The following ZNF234 variants were observed in gnomAD, a reference collection of about 807,000 sequenced individuals.
ZNF234 encodes C2-H2 type zinc finger protein.
A neutral mutation model predicts 10.3 loss-of-function variants in ZNF234; 4 were observed. The observed-to-expected ratio is 0.39, with a 90% CI of 0.19 to 0.89. ZNF234 has a LOEUF of 0.89. Ranked by LOEUF, ZNF234 falls within the 40% of genes least tolerant of loss-of-function variation. ZNF234 has a pLI of 0.38. For missense variants in ZNF234, 711 were observed against 836.1 expected (o/e 0.85, Z 1.85); for synonymous variants, 258 against 280.1 (o/e 0.92, Z 0.79).
rs185571377 is a variant in ZNF234 at position 44,143,171 on chromosome 19, G to T, written c.-77+804G>T. Among the ~76,000 whole-genome samples the T allele has an allele frequency of 3.4e-4, 40 of 117,956 alleles. 1 individual carries two copies. The East Asian group carries it at 8.8e-3, about 26-fold the overall frequency. The allele number at this position is 117,956 out of a possible 152,430, so 77.4% of individuals were successfully genotyped here. A position where few individuals can be genotyped will look rare whatever the true frequency, so the allele number is the denominator to read the frequency against. On this transcript the variant is annotated intron_variant, in intron 2 of 5. Coordinates refer to ENST00000426739, the MANE Select transcript of ZNF234 (RefSeq NM_006630.3). ...GTTGCAAAAATAGTATAAGAGGGCA[G>T]GGCATGGTGGGTCATGCCTGAGTCC...
At chr19:44,153,527 C>G (rs1050056062) in intron 5 of ZNF234, among the ~76,000 whole-genome samples, 1 of 152,056 alleles carries the variant, frequency 6.6e-6, no homozygotes, top group Admixed American at 6.6e-5. Context: ...TATTTCACAG[C>G]TCACTAAAGG....
chr19:44,156,904 C>G lies in ZNF234; in HGVS notation c.888C>G (p.Asn296Lys). 1 of 1,613,870 alleles carries G rather than the reference C, an allele frequency of 6.2e-7. No individual in the cohort carries two copies. The change falls in exon 6 of 6, where the codon AAC becomes AAG. Residue 296 changes from asparagine (N) to lysine (K), a missense_variant. Coordinates refer to ENST00000426739, the MANE Select transcript of ZNF234 (RefSeq NM_006630.3). ...KPFKCDTCGK[N>K]FRRRSALNNH... ...TCAAATGTGATACATGTGGTAAGAACTTCCGTCGTAGATCAGCACTTAATA... is the reference window on the plus strand; with the variant it reads ...TCAAATGTGATACATGTGGTAAGAAGTTCCGTCGTAGATCAGCACTTAATA...
At chr19:44,155,925 T>A (rs922387501) in intron 5 of ZNF234, among the ~76,000 whole-genome samples, 5 of 152,224 alleles carry the variant, frequency 3.3e-5, no homozygotes, top group African/African-American at 1.2e-4. Flanking sequence ...GATAATTTAC[T>A]ATTTATTATT....
chr19:44,156,709 A>G lies in ZNF234; in HGVS notation c.693A>G (p.Pro231=), dbSNP rs978981848. ...THQRVHTVEK[P]FKCVECGKGF... ...AGAGAGTCCACACTGTAGAGAAACC[A>G]TTCAAATGTGTGGAATGTGGGAAAG... The change falls in exon 6 of 6, where the codon CCA becomes CCG. Residue 231 remains proline, a synonymous_variant. Coordinates refer to ENST00000426739, the MANE Select transcript of ZNF234 (RefSeq NM_006630.3). 2 of 1,614,018 alleles carry G rather than the reference A, an allele frequency of 1.2e-6. No individual in the cohort carries two copies. Among genetic ancestry groups the G allele is most frequent in the Non-Finnish European group, 1.7e-6 (2 of 1,180,014 alleles).
In ZNF234 at chr19:44,159,737, C is replaced by G; in HGVS notation, c.*1618C>G. ...TGCCGTCTAATAACTGTAGCATTCT[C>G]TTATTAAAACTTCTGGCTGGGTGTG... On this transcript the variant is annotated 3_prime_UTR_variant, in exon 6 of 6. Coordinates refer to ENST00000426739, the MANE Select transcript of ZNF234 (RefSeq NM_006630.3). 2.6e-6 allele frequency: 1 copy of G among 382,712 alleles called. No homozygotes were observed. The highest frequency in any genetic ancestry group is 1.9e-5 in the South Asian group (1 of 54,004). 23.7% of individuals were successfully genotyped at this position (382,712 alleles called of 1,614,324 possible).
At position 44,159,635 on chromosome 19, in the gene ZNF234, A is replaced by T. The variant is rs187429916; in HGVS notation, c.*1516A>T. 4.8e-4 allele frequency: 226 copies of T among 474,980 alleles called. 1 individual carries two copies. In the East Asian group the frequency reaches 5.0e-3, roughly 11 times the overall value. 29.4% of individuals were successfully genotyped at this position (474,980 alleles called of 1,614,324 possible). ...TTTAAAGTGTCAGAAGTAGTTGCCA[A>T]TGCCAAATTTTTATCAGCCCCCTTG... On this transcript the variant is annotated 3_prime_UTR_variant, in exon 6 of 6. Transcript: ENST00000426739.
intron 5 of ZNF234, among the ~76,000 whole-genome samples, chr19:44,154,657 A>G (rs550892048): frequency 3.6e-4 from 50 of 140,692 alleles, no homozygotes; most frequent in African/African-American, 1.1e-3. Flanking sequence ...TTTTGAGACA[A>G]AGTCTCACTG....
Position 44,157,152 on chromosome 19 carries a change from A to G in ZNF234, c.1136A>G (p.Lys379Arg). The G allele has an allele frequency of 6.2e-7, 1 of 1,614,210 alleles. No homozygotes were observed. The highest frequency in any genetic ancestry group is 8.5e-7 in the Non-Finnish European group (1 of 1,180,026). ...EKPYVCKVCGKGFIYSSSFQA... is the reference protein window; with the variant it reads ...EKPYVCKVCGRGFIYSSSFQA... ...CCATACGTATGTAAAGTGTGTGGTA[A>G]GGGTTTCATTTACAGTTCAAGTTTT... Residue 379 changes from lysine to arginine, a missense_variant, in exon 6 of 6, where the codon AAG (lysine) becomes AGG (arginine). Coordinates refer to ENST00000426739, the MANE Select transcript of ZNF234 (RefSeq NM_006630.3).
chr19:44,154,556 G>A (rs1269803978), intron 5 of ZNF234, among the ~76,000 whole-genome samples: 1 of 151,812 alleles, frequency 6.6e-6, no homozygotes, highest in South Asian at 2.1e-4. Context: ...ATGACTCAGG[G>A]CAGAGTTATA....
At chr19:44,143,121 T>G (rs1274678659) in intron 2 of ZNF234, among the ~76,000 whole-genome samples, 1 of 152,208 alleles carries the variant, frequency 6.6e-6, no homozygotes, top group Non-Finnish European at 1.5e-5. Context: ...ACACAGTAAT[T>G]ATATAATTTT....
chr19:44,152,533 C>T (rs1197242881), intron 5 of ZNF234, among the ~76,000 whole-genome samples: 1 of 152,190 alleles, frequency 6.6e-6, no homozygotes, highest in Non-Finnish European at 1.5e-5. Context: ...ACTTGAACCT[C>T]ATACCATGAA....
rs1192642590 is a variant in ZNF234 at position 44,158,742 on chromosome 19, GA to G, written c.*626del. 6.5e-6 allele frequency: 1 copy of G among 154,044 alleles called. No individual in the cohort carries two copies. Among genetic ancestry groups the G allele is most frequent in the African/African-American group, 2.4e-5 (1 of 41,450 alleles). The allele number at this position is 154,044 out of a possible 1,614,324, so 9.5% of individuals were successfully genotyped here. A position where few individuals can be genotyped will look rare whatever the true frequency, so the allele number is the denominator to read the frequency against. Reference sequence around the variant, plus strand: ...TTGACATTTATGACATGTTACCTAGGAAATAGGACTTAGAAAATGAGTTTGA... The same window carrying G: ...TTGACATTTATGACATGTTACCTAGGAATAGGACTTAGAAAATGAGTTTGA... On this transcript the variant is annotated 3_prime_UTR_variant, in exon 6 of 6. Coordinates refer to ENST00000426739, the MANE Select transcript of ZNF234 (RefSeq NM_006630.3).
rs867098451 is a variant in ZNF234 at position 44,158,119 on chromosome 19, A to T, written c.2103A>T (p.Ter701CysextTer12). 1 of 1,480,508 alleles carries T rather than the reference A, an allele frequency of 6.8e-7. No individual in the cohort carries two copies. The highest frequency in any genetic ancestry group is 1.2e-5 in the South Asian group (1 of 83,170). 91.7% of individuals were successfully genotyped at this position (1,480,508 alleles called of 1,614,324 possible). Residue 701 changes from the stop codon to cysteine, a stop_lost, in exon 6 of 6, where the codon TGA becomes TGT. Transcript: ENST00000426739. The stretch of plus-strand genomic sequence containing the variant: ...CAGAGGGAGGAAGTTCTACAAGGTG[A>T]TTAAAAAAAAAAAAACAGAACTCAT... ...ELSEGGSSTR[*>C] is the part of the protein sequence containing the mutation.
chr19:44,146,535 G>T (rs1409561078), intron 3 of ZNF234, among the ~76,000 whole-genome samples: 1 of 152,192 alleles, frequency 6.6e-6, no homozygotes, highest in Non-Finnish European at 1.5e-5. Context: ...ATGGGGATCA[G>T]GGGGTGAGGT....
At chr19:44,144,776 T>A in intron 3 of ZNF234, 129 bp downstream of exon 3, 1 of 770,402 alleles carries the variant, frequency 1.3e-6, no homozygotes, top group Non-Finnish European at 1.9e-6. Context: ...GCCTTTTGAG[T>A]TGACTTTGTT....
At chr19:44,147,985 T>C (rs1968643584) in intron 3 of ZNF234, among the ~76,000 whole-genome samples, 2 of 152,236 alleles carry the variant, frequency 1.3e-5, no homozygotes, top group Admixed American at 1.3e-4. Flanking sequence ...AGATTTCAGT[T>C]CCCTCGAATA....
chr19:44,144,832 G>A (rs1461683179), intron 3 of ZNF234, among the ~76,000 whole-genome samples, 185 bp downstream of exon 3: 2 of 152,216 alleles, frequency 1.3e-5, no homozygotes, highest in East Asian at 3.8e-4. Flanking sequence ...TTCTGTATCT[G>A]TGGGTTTCAC....
At position 44,157,148 on chromosome 19, in the gene ZNF234, G is replaced by A; in HGVS notation, c.1132G>A (p.Gly378Ser). The change falls in exon 6 of 6, where the codon GGT becomes AGT. Residue 378 changes from glycine to serine, a missense_variant. Coordinates refer to ENST00000426739, the MANE Select transcript of ZNF234 (RefSeq NM_006630.3). ...GAAACCATACGTATGTAAAGTGTGT[G>A]GTAAGGGTTTCATTTACAGTTCAAG... ...GEKPYVCKVC[G>S]KGFIYSSSFQ... 1 of 1,614,180 alleles carries A rather than the reference G, an allele frequency of 6.2e-7. No homozygotes were observed. The highest frequency in any genetic ancestry group is 8.5e-7 in the Non-Finnish European group (1 of 1,180,022).
chr19:44,144,569 G>A lies in ZNF234; in HGVS notation c.-64G>A, dbSNP rs942705269. ...GTGTCTTCCATAGTGTTCCAGGCAC[G>A]ATTCTGCCTTCTCTCAAATGGCATA... On this transcript the variant is annotated 5_prime_UTR_variant, in exon 3 of 6. Transcript: ENST00000426739. 1.1e-5 allele frequency: 16 copies of A among 1,434,578 alleles called. No individual in the cohort carries two copies. Among genetic ancestry groups the A allele is most frequent in the Non-Finnish European group, 1.4e-5 (15 of 1,077,400 alleles). 88.9% of individuals were successfully genotyped at this position (1,434,578 alleles called of 1,614,324 possible).
Sources: allele counts gnomAD v4.1 joint callset (sites outside exome capture counted in the v4.1 genomes callset), GRCh38; gene constraint gnomAD v4.1.1; transcripts MANE v1.5; gene names NCBI Gene and HGNC (gene_info 2026-07-23, HGNC 2026-07-21).